Variants in SYNE2 observed in about 807,000 individuals in gnomAD.
SYNE2 encodes nesprin-2.
Under a neutral mutation model 856.3 loss-of-function variants are expected in SYNE2, and 431 were observed. The observed-to-expected ratio is 0.50, with a 90% CI of 0.47 to 0.55. The LOEUF is 0.55. Ranked by LOEUF, SYNE2 falls within the 20% of genes least tolerant of loss-of-function variation. SYNE2 has a pLI of 0.00. For synonymous variants in SYNE2, 2,923 were observed against 2,872.3 expected, an observed-to-expected ratio of 1.02 and a Z score of -0.56; for missense variants, 8,129 against 8,023.2, an observed-to-expected ratio of 1.01 and a Z score of -0.50.
At chr14:63,944,513 CTTTCTTT>C (rs2095986325) in intron 6 of SYNE2, among the ~76,000 whole-genome samples, 4 of 132,528 alleles carry the variant, frequency 3.0e-5, no homozygotes, top group Admixed American at 7.7e-5. Flanking sequence ...AACTTAAAGC[CTTTCTTT>C]TTTTTTTTTT....
intron 11 of SYNE2, among the ~76,000 whole-genome samples, chr14:63,969,795 A>G (rs1222128811): frequency 2.0e-5 from 3 of 152,176 alleles, no homozygotes; most frequent in Admixed American, 1.3e-4. Context: ...TGTTCACATT[A>G]TCTGTGTCTT....
chr14:63,882,731 CA>C (rs1212798564), intron 1 of SYNE2, among the ~76,000 whole-genome samples: 1 of 151,778 alleles, frequency 6.6e-6, no homozygotes, highest in Non-Finnish European at 1.5e-5. Context: ...CAAACAAAAA[CA>C]AAAAAACAGT....
Position 64,159,324 on chromosome 14 carries a change from G to A in SYNE2, c.15976G>A (p.Glu5326Lys). 1 of 1,613,950 alleles carries A rather than the reference G, an allele frequency of 6.2e-7. No individual in the cohort carries two copies. ...QVENLQSLQD[E>K]AESSEGSWEK... The stretch of plus-strand genomic sequence containing the variant: ...TTGTGTCTCTTAGTCTCTGCAAGAT[G>A]AAGCTGAGAGCAGTGAAGGGAGTTG... The change falls in exon 87 of 116, where the codon GAA (glutamate) becomes AAA (lysine). Residue 5326 changes from glutamate (E) to lysine (K), a missense_variant. Physicochemically the swap from Glu to Lys is moderately conservative, Grantham distance 56 (BLOSUM62 1). Coordinates refer to ENST00000555002, the MANE Select transcript of SYNE2 (RefSeq NM_182914.3).
At chr14:63,938,518 A>G (rs2095860313) in intron 2 of SYNE2, among the ~76,000 whole-genome samples, 1 of 152,158 alleles carries the variant, frequency 6.6e-6, no homozygotes, top group African/African-American at 2.4e-5. Context: ...GAAATGATAG[A>G]GGTAGGTAAC....
chr14:64,150,275 G>C (rs2098228598), intron 84 of SYNE2, among the ~76,000 whole-genome samples: 1 of 106,510 alleles, frequency 9.4e-6, no homozygotes, highest in South Asian at 3.5e-4. Context: ...ATGGGTGACA[G>C]AGCAAGATTC....
intron 1 of SYNE2, among the ~76,000 whole-genome samples, chr14:63,836,822 C>A (rs1889873027): frequency 6.6e-6 from 1 of 152,166 alleles, no homozygotes; most frequent in African/African-American, 2.4e-5. Context: ...AATATTCTTC[C>A]TCTGCTACAA....
At position 63,825,668 on chromosome 14, in the gene SYNE2, G is replaced by T. The variant is rs142768957; in HGVS notation, c.-304-26833G>T. ...GCAGATGGATCACCTGAGGTCAGGA[G>T]TTCGAAACCAGCCTGGTCAACATGG... On this transcript the variant is annotated intron_variant, in intron 1 of 23. Coordinates refer to the SYNE2 transcript ENST00000674003. 4.8e-4 allele frequency among the ~76,000 whole-genome samples: 73 copies of T among 152,244 alleles called. No homozygotes were observed. In the East Asian group the frequency reaches 0.014, roughly 29 times the overall value.
In SYNE2 at chr14:64,002,081, G is replaced by A. The variant is rs749149860; in HGVS notation, c.3786G>A (p.Arg1262=). ...CTGATCGCATCTATCAACACCTAAG[G>A]GTAAGTATATAAGTTCTCACAGTGT... ...IDADRIYQHL[R]NIQDSIAKQI... is the part of the protein sequence containing the mutation. The change falls in exon 29 of 116, where the codon AGG becomes AGA. Residue 1262 remains arginine (R), a splice_region_variant and synonymous_variant. Transcript: ENST00000555002. 6.2e-7 allele frequency: 1 copy of A among 1,607,428 alleles called. No homozygotes were observed.
intron 2 of SYNE2, among the ~76,000 whole-genome samples, chr14:63,939,254 C>A (rs954259262): frequency 6.6e-6 from 1 of 151,564 alleles, no homozygotes. Context: ...GGCATGGTGT[C>A]AGTGTGGGGC....
At chr14:64,106,107 G>A (rs1219561427) in intron 64 of SYNE2, among the ~76,000 whole-genome samples, 1 of 147,456 alleles carries the variant, frequency 6.8e-6, no homozygotes, top group African/African-American at 2.6e-5. Flanking sequence ...ATTTCTCCTA[G>A]GTATACATGG....
chr14:64,209,291 A>G, intron 101 of SYNE2, 137 bp from the exon 102 acceptor site: 1 of 1,398,504 alleles, frequency 7.2e-7, no homozygotes, highest in Non-Finnish European at 9.9e-7. Flanking sequence ...ACAGACAAGA[A>G]GTGGCGTCCC....
At position 63,815,113 on chromosome 14, in the gene SYNE2, T is replaced by TG. The variant is rs1335097324; in HGVS notation, c.-304-37388_-304-37387insG. The stretch of plus-strand genomic sequence containing the variant: ...ATGCACATATATATCCACACATATA[T>TG]CCATATATATCCACATATATATCCA... On this transcript the variant is annotated intron_variant, in intron 1 of 23. Coordinates refer to the SYNE2 transcript ENST00000674003. 3.4e-3 allele frequency among the ~76,000 whole-genome samples: 356 copies of TG among 105,766 alleles called. 11 individuals carry two copies. Among genetic ancestry groups the TG allele is most frequent in the Middle Eastern group, 5.2e-3 (1 of 192 alleles). The allele number at this position is 105,766 out of a possible 152,430, so 69.4% of individuals were successfully genotyped here.
At chr14:63,845,174 G>A (rs1334772650) in intron 1 of SYNE2, among the ~76,000 whole-genome samples, 5 of 152,228 alleles carry the variant, frequency 3.3e-5, no homozygotes, top group Non-Finnish European at 5.9e-5. Flanking sequence ...CCAGCACTTT[G>A]GGAGGCCGAG....
chr14:64,224,327 G>A (rs2098708355), intron 113 of SYNE2, 134 bp from the exon 114 acceptor site: 1 of 859,534 alleles, frequency 1.2e-6, no homozygotes, highest in African/African-American at 1.6e-5. Context: ...CTCCAGCCTG[G>A]GTGACACAGT....
Position 63,981,045 on chromosome 14 carries a change from T to C in SYNE2, c.1708T>C (p.Tyr570His). ...YMMVKSDVCM[Y>H]RKNIYNVKST... ...GATGGTGAAATCTGATGTTTGTATG[T>C]ATAGAAAAAATATATATAATGTGAA... is the stretch of plus-strand genomic sequence containing the variant. The change falls in exon 16 of 116, where the codon TAT becomes CAT. Residue 570 changes from tyrosine to histidine, a missense_variant. This residue lies in a region of SYNE2 where 2,422 missense variants were observed against 2,357.4 expected (regional missense o/e 1.03). Transcript: ENST00000555002. The C allele has an allele frequency of 6.3e-7, 1 of 1,584,244 alleles. No individual in the cohort carries two copies. Among genetic ancestry groups the C allele is most frequent in the Non-Finnish European group, 8.7e-7 (1 of 1,153,414 alleles).
intron 94 of SYNE2, among the ~76,000 whole-genome samples, chr14:64,171,480 A>G (rs1214017831): frequency 1.3e-5 from 2 of 152,250 alleles, no homozygotes; most frequent in Non-Finnish European, 2.9e-5. Context: ...TCATTAAAAC[A>G]GGGCCAGTAG....
At chr14:63,986,036 C>A (rs2096623126) in intron 18 of SYNE2, among the ~76,000 whole-genome samples, 1 of 152,202 alleles carries the variant, frequency 6.6e-6, no homozygotes, top group Admixed American at 6.5e-5. Flanking sequence ...TGTCAAAGAA[C>A]TACATCTTAT....
chr14:63,906,767 A>T (rs1566767916), intron 1 of SYNE2, among the ~76,000 whole-genome samples: 1 of 152,204 alleles, frequency 6.6e-6, no homozygotes, highest in Non-Finnish European at 1.5e-5. Flanking sequence ...GCTATTTTGT[A>T]AAAAGTACAC....
intron 1 of SYNE2, among the ~76,000 whole-genome samples, chr14:63,783,515 C>T (rs1363102326): frequency 6.6e-6 from 1 of 152,118 alleles, no homozygotes; most frequent in Non-Finnish European, 1.5e-5. Context: ...GTAGCTGGGA[C>T]TACAGGCGCA....
Sources: gnomAD v4.1 joint callset for allele counts (sites outside exome capture counted in the v4.1 genomes callset) on GRCh38, gnomAD v4.1.1 for gene constraint, gnomAD v4.1.1 regional missense constraint, MANE v1.5 for transcripts, NCBI Gene and HGNC (gene_info 2026-07-23, HGNC 2026-07-21) for gene names.